The following WWOX variants were observed in gnomAD, a reference collection of about 807,000 sequenced individuals.
WWOX encodes the protein WW domain-containing oxidoreductase.
WWOX carries 69 observed loss-of-function variants against 46.2 expected under a neutral mutation model. The observed-to-expected ratio is 1.49, with a 90% CI of 1.23 to 1.82. The LOEUF is 1.82. WWOX is among the 40% of genes most tolerant of loss of function. The pLI is 0.00. For missense variants in WWOX, 919 were observed against 542.6 expected (o/e 1.69, Z -6.89); for synonymous variants, 359 against 202.6 (o/e 1.77, Z -6.56).
At position 78,318,727 on chromosome 16, in the gene WWOX, T is replaced by C. The variant is rs117087175; in HGVS notation, c.517-68133T>C. 5.6e-4 allele frequency among the ~76,000 whole-genome samples: 86 copies of C among 152,282 alleles called. 2 individuals carry two copies. In the East Asian group the frequency reaches 0.016, roughly 29 times the overall value. ...ATAATTTCTGTAAGTACTGGCTATT[T>C]TAAAAATTATTTTAACACTATTCTG... On this transcript the variant is annotated intron_variant, in intron 5 of 8. Coordinates refer to ENST00000566780, the MANE Select transcript of WWOX (RefSeq NM_016373.4).
chr16:78,804,340 C>A (rs1432981266), intron 8 of WWOX, among the ~76,000 whole-genome samples: 2 of 151,920 alleles, frequency 1.3e-5, no homozygotes, highest in East Asian at 3.9e-4. Context: ...GCTGTTTAGA[C>A]TCTGACTTTG....
rs374116766 is a variant in WWOX at position 78,159,774 on chromosome 16, A to G, written c.410-4409A>G. ...ATGAGGTTTGCAAGTATTTTTTACT[A>G]TTTTGTAGCTTGCCCTTTCAGTGTC... On this transcript the variant is annotated intron_variant, in intron 4 of 8. Transcript: ENST00000566780. Among the ~76,000 whole-genome samples, 8 of 126,972 alleles carry G rather than the reference A, an allele frequency of 6.3e-5. No individual in the cohort carries two copies. The East Asian group carries it at 1.2e-3, about 19-fold the overall frequency. The allele number at this position is 126,972 out of a possible 152,430, so 83.3% of individuals were successfully genotyped here.
At chr16:78,588,018 C>T (rs1448005893) in intron 8 of WWOX, among the ~76,000 whole-genome samples, 1 of 152,204 alleles carries the variant, frequency 6.6e-6, no homozygotes, top group Non-Finnish European at 1.5e-5. Context: ...ATGTGACCTG[C>T]AATTCAGTTC....
At chr16:78,498,506 G>C (rs1349449597) in intron 8 of WWOX, among the ~76,000 whole-genome samples, 1 of 152,126 alleles carries the variant, frequency 6.6e-6, no homozygotes, top group Admixed American at 6.5e-5. Flanking sequence ...AAGGTGTGAG[G>C]CTATTGATGA....
chr16:78,616,067 G>C (rs1414239813), intron 8 of WWOX, among the ~76,000 whole-genome samples: 1 of 152,104 alleles, frequency 6.6e-6, no homozygotes, highest in East Asian at 1.9e-4. Flanking sequence ...TCTTTAAGAA[G>C]AAGATAACAT....
chr16:78,703,104 G>C (rs2048258906), intron 8 of WWOX, among the ~76,000 whole-genome samples: 1 of 152,162 alleles, frequency 6.6e-6, no homozygotes, highest in South Asian at 2.1e-4. Flanking sequence ...GGGCTGCAGG[G>C]ACCTTGCTTT....
chr16:78,550,720 T>C (rs1182854034), intron 8 of WWOX: 1 of 151,906 alleles, frequency 6.6e-6, no homozygotes, highest in East Asian at 1.9e-4. Flanking sequence ...CAGAGTGGGG[T>C]GGTTGGATGG....
rs144445392 is a variant in WWOX at position 78,946,537 on chromosome 16, A to G, written c.1057-265071A>G. ...GTCAAGAAGTTTCTAGATGCACACA[A>G]AATGACCAAACCAGTCTTTCCGCTT... On this transcript the variant is annotated intron_variant, in intron 8 of 8. Transcript: ENST00000566780. 2.3e-3 allele frequency among the ~76,000 whole-genome samples: 351 copies of G among 152,206 alleles called. 1 individual carries two copies. The highest frequency in any genetic ancestry group is 8.3e-3 in the African/African-American group (346 of 41,542).
intron 1 of WWOX, among the ~76,000 whole-genome samples, chr16:78,103,198 C>G (rs2031912415): frequency 6.6e-6 from 1 of 152,060 alleles, no homozygotes; most frequent in Admixed American, 6.5e-5. Flanking sequence ...TCCAGCCCTC[C>G]CGACTAGTGT....
chr16:78,771,545 G>A (rs1441504232), intron 8 of WWOX, among the ~76,000 whole-genome samples: 3 of 152,114 alleles, frequency 2.0e-5, no homozygotes, highest in East Asian at 3.9e-4. Flanking sequence ...GCTGAGATGG[G>A]CGGATCACTT....
chr16:78,720,427 A>G (rs116097826), intron 8 of WWOX, among the ~76,000 whole-genome samples: 3,814 of 150,016 alleles, frequency 0.025, 155 homozygotes, highest in African/African-American at 0.09. Context: ...CTTATACATC[A>G]TTTTATATTT....
chr16:78,644,077 C>A (rs75356899), intron 8 of WWOX, among the ~76,000 whole-genome samples: 1 of 152,002 alleles, frequency 6.6e-6, no homozygotes. Context: ...ACAAAATTAG[C>A]CAGACATGGT....
intron 6 of WWOX, among the ~76,000 whole-genome samples, chr16:78,396,677 C>G (rs572770656): frequency 1.3e-5 from 2 of 152,338 alleles, no homozygotes; most frequent in East Asian, 1.9e-4. Flanking sequence ...AAGCACTAGA[C>G]TAGACATTCG....
At chr16:78,331,217 G>C (rs568690887) in intron 5 of WWOX, among the ~76,000 whole-genome samples, 1 of 152,236 alleles carries the variant, frequency 6.6e-6, no homozygotes, top group South Asian at 2.1e-4. Context: ...ATCACTGAGG[G>C]TGTTAGCTTC....
Position 79,118,496 on chromosome 16 carries a change from A to C in WWOX, c.1057-93112A>C, listed in dbSNP as rs543626962. On this transcript the variant is annotated intron_variant, in intron 8 of 8. Transcript: ENST00000566780. ...CATGAAGTGAGCAGGTACCATTGGAAAAATGGTGCCGATAGTCTTCCTTAA... is the reference window on the plus strand; with the variant it reads ...CATGAAGTGAGCAGGTACCATTGGACAAATGGTGCCGATAGTCTTCCTTAA... Among the ~76,000 whole-genome samples, 37 of 152,328 alleles carry C rather than the reference A, an allele frequency of 2.4e-4. 1 individual carries two copies. The highest frequency in any genetic ancestry group is 7.5e-4 in the African/African-American group (31 of 41,578).
intron 5 of WWOX, among the ~76,000 whole-genome samples, chr16:78,369,156 G>A (rs12446391): frequency 0.097 from 14,751 of 151,950 alleles, 820 homozygotes; most frequent in African/African-American, 0.15. Context: ...AAAATTAGGA[G>A]CATCATAGCT....
chr16:78,997,300 C>A (rs2047009822), intron 8 of WWOX, among the ~76,000 whole-genome samples: 1 of 152,178 alleles, frequency 6.6e-6, no homozygotes, highest in African/African-American at 2.4e-5. Flanking sequence ...TTCCTTAAAA[C>A]CATACCTATA....
rs142752654 is a variant in WWOX, at chr16:79,146,334, G to T, written c.1057-65274G>T. Among the ~76,000 whole-genome samples the T allele has an allele frequency of 2.4e-3, 368 of 152,148 alleles. 2 individuals are homozygous for T. Among genetic ancestry groups the T allele is most frequent in the African/African-American group, 8.5e-3 (353 of 41,504 alleles). ...CCAGCAGAGCCTTCTTTGATGCCCC[G>T]TCTTCAACCTGCCATGTTTTCCCAT... is the stretch of plus-strand genomic sequence containing the variant. On this transcript the variant is annotated intron_variant, in intron 8 of 8. Transcript: ENST00000566780.
chr16:78,432,453 C>G (rs201178638), intron 7 of WWOX, 35 bp from the exon 8 acceptor site: 3 of 1,610,372 alleles, frequency 1.9e-6, no homozygotes, highest in East Asian at 2.2e-5. Context: ...GAAGTCAGAA[C>G]TTGGTTGCTT....
Sources: gnomAD v4.1 joint callset for allele counts (sites outside exome capture counted in the v4.1 genomes callset) on GRCh38, gnomAD v4.1.1 for gene constraint, MANE v1.5 for transcripts, NCBI Gene and HGNC (gene_info 2026-07-23, HGNC 2026-07-21) for gene names.